FGD6: variants seen among roughly 807,000 people sequenced by gnomAD.
FGD6 encodes the protein FYVE, RhoGEF and PH domain containing 6, also known as FYVE, RhoGEF and PH domain-containing protein 6.
Under a neutral mutation model 149.4 loss-of-function variants are expected in FGD6, and 90 were observed. The ratio of observed to expected loss-of-function variants is 0.60; its 90% CI spans 0.51 to 0.72. The LOEUF is 0.72. Ranked by LOEUF, FGD6 falls within the 30% of genes least tolerant of loss-of-function variation. FGD6 has a pLI of 0.00. For missense variants in FGD6, 1,437 were observed against 1,684.8 expected (o/e 0.85, Z 2.57); for synonymous variants, 527 against 584.0 (o/e 0.90, Z 1.41).
chr12:95,149,993 TACACAC>T (rs10652699), intron 5 of FGD6, among the ~76,000 whole-genome samples: 7,151 of 131,936 alleles, frequency 0.054, 329 homozygotes, highest in African/African-American at 0.12. Flanking sequence ...TGCTATATAT[TACACAC>T]ACACACACAC....
At chr12:95,194,576 T>C (rs1207821435) in intron 2 of FGD6, among the ~76,000 whole-genome samples, 2 of 138,638 alleles carry the variant, frequency 1.4e-5, no homozygotes, top group East Asian at 2.3e-4. Flanking sequence ...TGAAATAGAC[T>C]AGTGGTTGCC....
chr12:95,118,845 C>T (rs1171914686), intron 8 of FGD6, among the ~76,000 whole-genome samples: 1 of 152,180 alleles, frequency 6.6e-6, no homozygotes, highest in East Asian at 1.9e-4. Flanking sequence ...AAGAAACAAC[C>T]TAAAATTAGC....
In FGD6 at chr12:95,092,344, C is replaced by A. The variant is rs543993205; in HGVS notation, c.3747+355G>T. Among the ~76,000 whole-genome samples, 3 of 152,130 alleles carry A rather than the reference C, an allele frequency of 2.0e-5. No homozygotes were observed. The South Asian group carries it at 6.2e-4, about 32-fold the overall frequency. ...AGAGATAACTTCAACACTGAACATT[C>A]CCCGTACTGAATACTATGGATACTT... On this transcript the variant is annotated intron_variant, in intron 16 of 20. Transcript: ENST00000343958.
At chr12:95,158,725 T>C (rs1411611495) in intron 3 of FGD6, among the ~76,000 whole-genome samples, 2 of 152,052 alleles carry the variant, frequency 1.3e-5, no homozygotes, top group Non-Finnish European at 2.9e-5. Flanking sequence ...GTGTATAAAT[T>C]TTAAATTAGA....
chr12:95,119,773 A>T (rs1192738106), intron 8 of FGD6, among the ~76,000 whole-genome samples: 1 of 152,188 alleles, frequency 6.6e-6, no homozygotes, highest in Non-Finnish European at 1.5e-5. Flanking sequence ...TCTACTAATT[A>T]GCTGGGGGTA....
intron 2 of FGD6, among the ~76,000 whole-genome samples, chr12:95,191,219 G>A (rs1881579837): frequency 6.6e-6 from 1 of 152,218 alleles, no homozygotes; most frequent in Non-Finnish European, 1.5e-5. Context: ...GGTTTGGTGA[G>A]AGGACTGGTG....
rs572515907 is a variant in FGD6, at chr12:95,182,872, C to T, written c.2442-10128G>A. On this transcript the variant is annotated intron_variant, in intron 2 of 20. Coordinates refer to ENST00000343958, the MANE Select transcript of FGD6 (RefSeq NM_018351.4). ...GTTAGTAAGTTAGTAGAAAAAACAG[C>T]TCATCCTTTGACTACCTTCTCTAAC... Among the ~76,000 whole-genome samples the T allele has an allele frequency of 3.3e-5, 5 of 152,348 alleles. No homozygotes were observed. The East Asian group carries it at 5.8e-4, about 18-fold the overall frequency.
chr12:95,185,064 G>A (rs774970270), intron 2 of FGD6, among the ~76,000 whole-genome samples: 17 of 151,946 alleles, frequency 1.1e-4, no homozygotes, highest in Non-Finnish European at 2.1e-4. Flanking sequence ...AGTAGAGACA[G>A]GGTTTCACCA....
chr12:95,204,144 C>T (rs1225211825), intron 2 of FGD6, among the ~76,000 whole-genome samples: 1 of 152,204 alleles, frequency 6.6e-6, no homozygotes. Context: ...CACAGTTGCA[C>T]TACCAACAAA....
intron 2 of FGD6, among the ~76,000 whole-genome samples, chr12:95,207,271 C>T (rs906954886): frequency 3.2e-4 from 49 of 152,260 alleles, no homozygotes; most frequent in Middle Eastern, 3.4e-3. Flanking sequence ...CTTCCTCTTC[C>T]GCCATGATTG....
chr12:95,134,208 C>T (rs1270018073), intron 8 of FGD6, among the ~76,000 whole-genome samples: 1 of 152,078 alleles, frequency 6.6e-6, no homozygotes, highest in Admixed American at 6.5e-5. Flanking sequence ...AAAGATCCTC[C>T]CGCCTCAGCC....
intron 2 of FGD6, 88 bp from the exon 3 acceptor site, chr12:95,172,832 A>C (rs1024692846): frequency 9.1e-7 from 1 of 1,103,194 alleles, no homozygotes. Flanking sequence ...TTATCTTCAT[A>C]ATGCAAACAA....
intron 8 of FGD6, among the ~76,000 whole-genome samples, chr12:95,114,419 A>G (rs1426862947): frequency 2.0e-5 from 3 of 148,312 alleles, no homozygotes; most frequent in Non-Finnish European, 4.4e-5. Flanking sequence ...CAGCATGGCC[A>G]ACATGGGGAA....
At chr12:95,195,950 C>T (rs1047890629) in intron 2 of FGD6, among the ~76,000 whole-genome samples, 6 of 151,548 alleles carry the variant, frequency 4.0e-5, no homozygotes, top group African/African-American at 1.5e-4. Context: ...GGCCAAACCC[C>T]GTTTCTACTA....
intron 6 of FGD6, 101 bp from the exon 7 acceptor site, chr12:95,137,779 T>G: frequency 1.3e-6 from 1 of 790,028 alleles, no homozygotes. Context: ...CTTATCTTTT[T>G]TTCTCTTCTT....
intron 14 of FGD6, among the ~76,000 whole-genome samples, chr12:95,096,729 T>C (rs917136986): frequency 2.0e-5 from 3 of 152,214 alleles, no homozygotes; most frequent in African/African-American, 7.2e-5. Context: ...TAATGTTTGA[T>C]AATTTGCTTT....
intron 8 of FGD6, among the ~76,000 whole-genome samples, chr12:95,118,607 G>C (rs550698442): frequency 8.0e-4 from 122 of 152,282 alleles, no homozygotes; most frequent in African/African-American, 2.8e-3. Context: ...CGTGCACTGA[G>C]AAATGTTTGG....
chr12:95,130,369 A>G (rs1376449450), intron 8 of FGD6, among the ~76,000 whole-genome samples: 1 of 152,146 alleles, frequency 6.6e-6, no homozygotes, highest in African/African-American at 2.4e-5. Flanking sequence ...CTGAAACTTA[A>G]AACAGCAAAG....
intron 2 of FGD6, among the ~76,000 whole-genome samples, chr12:95,193,285 A>G (rs1373279464): frequency 6.6e-6 from 1 of 152,194 alleles, no homozygotes; most frequent in African/African-American, 2.4e-5. Context: ...ATATTTAGCA[A>G]TACTTAGCAT....
Sources: allele counts gnomAD v4.1 joint callset (sites outside exome capture counted in the v4.1 genomes callset), GRCh38; gene constraint gnomAD v4.1.1; transcripts MANE v1.5; gene names NCBI Gene and HGNC (gene_info 2026-07-23, HGNC 2026-07-21).